SPI1: variants seen among roughly 807,000 people sequenced by gnomAD.
SPI1 encodes the protein Spi-1 proto-oncogene.
SPI1 carries 3 observed loss-of-function variants against 30.7 expected under a neutral mutation model. The observed-to-expected ratio is 0.10, with a 90% CI of 0.04 to 0.25. The LOEUF (loss-of-function observed/expected upper bound fraction) is 0.25. SPI1 is among the 10% of genes least tolerant of loss of function. The probability of loss-of-function intolerance (pLI) is 1.00; values close to 1 mark genes in which losing one functional copy is unlikely to be tolerated. For missense variants in SPI1, 261 were observed against 371.5 expected (o/e 0.70, Z 2.45); for synonymous variants, 169 against 157.1 (o/e 1.08, Z -0.56).
At chr11:47,371,159 G>T (rs2095935176) in intron 2 of SPI1, among the ~76,000 whole-genome samples, 1 of 151,670 alleles carries the variant, frequency 6.6e-6, no homozygotes, top group African/African-American at 2.4e-5. Flanking sequence ...AGGAGATCAA[G>T]ACCATCCTGG....
chr11:47,357,980 A>T (rs1183866336), intron 4 of SPI1, among the ~76,000 whole-genome samples: 1 of 148,998 alleles, frequency 6.7e-6, no homozygotes, highest in African/African-American at 2.5e-5. Context: ...GCACGTCCTC[A>T]CCCCCCACAC....
At chr11:47,367,183 G>C (rs1012540995) in intron 2 of SPI1, among the ~76,000 whole-genome samples, 2 of 151,822 alleles carry the variant, frequency 1.3e-5, no homozygotes, top group Non-Finnish European at 1.5e-5. Flanking sequence ...GGATGAAGAA[G>C]TATATGGAAA....
At chr11:47,370,271 C>T (rs1189449906) in intron 2 of SPI1, among the ~76,000 whole-genome samples, 1 of 152,014 alleles carries the variant, frequency 6.6e-6, no homozygotes, top group East Asian at 1.9e-4. Flanking sequence ...GGCATGGTGG[C>T]ACACACCTGT....
chr11:47,377,775 A>G (rs913066241), intron 1 of SPI1, among the ~76,000 whole-genome samples: 5 of 152,184 alleles, frequency 3.3e-5, no homozygotes, highest in Non-Finnish European at 5.9e-5. Context: ...CTGTGGGCCC[A>G]TGGCCCTGAC....
In SPI1 at chr11:47,359,949, G is replaced by A. The variant is rs2095918239; in HGVS notation, c.234C>T (p.Pro78=). The change falls in exon 3 of 5, where the codon CCC becomes CCT. Residue 78 remains proline (P), a synonymous_variant. Transcript: ENST00000378538. The surrounding 1 kb of genome is among the most constrained non-coding windows in gnomAD (Gnocchi z 5.1). The part of the protein sequence containing the change: ...NNFTELQSVQ[P]PQLQQLYRHM... ...GGCGGTAGAGCTGCTGCAGCTGCGG[G>A]GGCTGCACGCTCTGGAGCTCCGTGA... is the stretch of plus-strand genomic sequence containing the variant. 2 of 1,611,656 alleles carry A rather than the reference G, an allele frequency of 1.2e-6. No individual in the cohort carries two copies. The highest frequency in any genetic ancestry group is 1.3e-5 in the African/African-American group (1 of 74,870).
At chr11:47,376,827 T>A (rs1480468969) in intron 1 of SPI1, among the ~76,000 whole-genome samples, 1 of 152,078 alleles carries the variant, frequency 6.6e-6, no homozygotes, top group African/African-American at 2.4e-5. Flanking sequence ...CGGGGCTGCC[T>A]TGGGAGCCCA....
intron 2 of SPI1, among the ~76,000 whole-genome samples, chr11:47,365,271 G>A (rs771301824): frequency 1.3e-5 from 2 of 152,060 alleles, no homozygotes; most frequent in Non-Finnish European, 2.9e-5. Context: ...TCAGCTCCTC[G>A]AAAGAATATA....
rs1385948084 is a variant in SPI1, at chr11:47,374,958, G to A, written c.142+675C>T. ...AAGAGGTTCTCATAGGTTTTCCTTC[G>A]GCCCAGCAGTTCCCAATTAGGGGTG... On this transcript the variant is annotated intron_variant, in intron 2 of 4. Transcript: ENST00000378538. The surrounding 1 kb of genome is among the most constrained non-coding windows in gnomAD (Gnocchi z 4.5). Among the ~76,000 whole-genome samples the A allele has an allele frequency of 3.9e-5, 6 of 152,210 alleles. No individual in the cohort carries two copies. Among genetic ancestry groups the A allele is most frequent in the East Asian group, 3.8e-4 (2 of 5,204 alleles).
At chr11:47,363,886 T>C (rs1348299011) in intron 2 of SPI1, among the ~76,000 whole-genome samples, 1 of 133,344 alleles carries the variant, frequency 7.5e-6, no homozygotes, top group African/African-American at 2.9e-5. Context: ...CCCTTGAACC[T>C]AGGGAGGTGG....
intron 2 of SPI1, among the ~76,000 whole-genome samples, chr11:47,372,271 T>C (rs1013901540): frequency 5.3e-5 from 8 of 152,094 alleles, no homozygotes; most frequent in African/African-American, 1.9e-4. Context: ...CCTGTATTTC[T>C]AGTAGAGATG....
chr11:47,355,954 T>TGCAACCACTCACTCATGCTC (rs1443240585), intron 4 of SPI1, among the ~76,000 whole-genome samples: 1 of 104,276 alleles, frequency 9.6e-6, no homozygotes, highest in African/African-American at 4.3e-5. Flanking sequence ...TTAAACACAA[T>TGCAACCACTCACTCATGCTC]GCAACCACTC....
intron 4 of SPI1, among the ~76,000 whole-genome samples, chr11:47,357,122 C>G (rs964773873): frequency 4.0e-5 from 6 of 151,076 alleles, no homozygotes; most frequent in African/African-American, 1.5e-4. Context: ...CACTCACATG[C>G]TCACACCTCA....
rs530390851 is a variant in SPI1 at position 47,357,734 on chromosome 11, T to C, written c.493+1110A>G. 7.2e-5 allele frequency among the ~76,000 whole-genome samples: 11 copies of C among 152,290 alleles called. No individual in the cohort carries two copies. The East Asian group carries it at 2.1e-3, about 29-fold the overall frequency. On this transcript the variant is annotated intron_variant, in intron 4 of 4. Coordinates refer to ENST00000378538, the MANE Select transcript of SPI1 (RefSeq NM_003120.3). ...GCGTTCACCACCACGCCTGACTAAT[T>C]TTTGTATTTTTAGTGGAGACGGGGT...
At chr11:47,355,645 G>T in intron 4 of SPI1, 99 bp from the exon 5 acceptor site, 3 of 1,047,312 alleles carry the variant, frequency 2.9e-6, no homozygotes, top group Non-Finnish European at 1.3e-6. Context: ...CGGGGTGGCC[G>T]GGAAGGGCAG....
Position 47,358,931 on chromosome 11 carries a change from C to A in SPI1, c.406G>T (p.Gly136Cys). Residue 136 changes from glycine to cysteine, a missense_variant, in exon 4 of 5, where the codon GGC (glycine) becomes TGC (cysteine). Gly to Cys is a radical substitution (Grantham distance 159). Coordinates refer to ENST00000378538, the MANE Select transcript of SPI1 (RefSeq NM_003120.3). ...PAQPSSDEEE[G>C]ERQSPPLEVS... is the part of the protein sequence containing the mutation. The stretch of plus-strand genomic sequence containing the variant: ...TCCAGTGGGGGGCTCTGCCGCTCGC[C>A]CTCCTCCTCATCTGAGCTGGGCTGG... The A allele has an allele frequency of 6.4e-7, 1 of 1,566,584 alleles. No individual in the cohort carries two copies. Among genetic ancestry groups the A allele is most frequent in the Admixed American group, 1.8e-5 (1 of 54,774 alleles).
intron 2 of SPI1, among the ~76,000 whole-genome samples, chr11:47,362,521 A>C (rs1398994828): frequency 6.7e-6 from 1 of 149,972 alleles, no homozygotes; most frequent in African/African-American, 2.5e-5. Context: ...GCAGTGAGCT[A>C]TGATTACATC....
intron 4 of SPI1, 51 bp from the exon 5 acceptor site, chr11:47,355,597 C>T: frequency 2.1e-6 from 3 of 1,458,102 alleles, no homozygotes; most frequent in Non-Finnish European, 2.7e-6. Context: ...ACATGGGAGC[C>T]GCCCCCACCG....
At chr11:47,363,111 A>G (rs939927704) in intron 2 of SPI1, among the ~76,000 whole-genome samples, 8 of 152,362 alleles carry the variant, frequency 5.3e-5, no homozygotes, top group Non-Finnish European at 8.8e-5. Flanking sequence ...GCATGGCACC[A>G]TGAGGGCAGG....
chr11:47,356,661 C>G (rs902405033), intron 4 of SPI1, among the ~76,000 whole-genome samples: 1 of 151,930 alleles, frequency 6.6e-6, no homozygotes, highest in African/African-American at 2.4e-5. Context: ...ACATCTTACA[C>G]TGCTCACCCT....
Sources: gnomAD v4.1 joint callset for allele counts (sites outside exome capture counted in the v4.1 genomes callset) on GRCh38, gnomAD v4.1.1 for gene constraint, Gnocchi (gnomAD v3.1) non-coding constraint, MANE v1.5 for transcripts, NCBI Gene and HGNC (gene_info 2026-07-23, HGNC 2026-07-21) for gene names.